NICOL1: variants seen among roughly 807,000 people sequenced by gnomAD.
NICOL1 encodes NELL2 interacting cell ontogeny regulator 1.
the NICOL1 span, chr4:2,042,204 G>T: frequency 4.2e-6 from 6 of 1,421,166 alleles, no homozygotes; most frequent in African/African-American, 9.2e-5. Context: ...GGCCCGGGGT[G>T]GGTGGGTCCA....
chr4:2,041,724 C>T, the NICOL1 span: 13 of 434,844 alleles, frequency 3.0e-5, no homozygotes, highest in Non-Finnish European at 5.3e-5. Flanking sequence ...ACCTGCTGAG[C>T]TCCAGCCACA....
At chr4:2,041,816 C>G in the NICOL1 span, 1 of 631,206 alleles carries the variant, frequency 1.6e-6, no homozygotes, top group Non-Finnish European at 2.5e-6. Flanking sequence ...CCAGGCAGTC[C>G]TCTAGACTGC....
At chr4:2,040,724 G>T in the NICOL1 span, among the ~76,000 whole-genome samples, 1 of 152,168 alleles carries the variant, frequency 6.6e-6, no homozygotes, top group African/African-American at 2.4e-5. Flanking sequence ...CTCGGGCCCC[G>T]CGTGCGTTTC....
At chr4:2,038,334 C>T in the NICOL1 span, among the ~76,000 whole-genome samples, 1 of 147,280 alleles carries the variant, frequency 6.8e-6, no homozygotes, top group African/African-American at 2.5e-5. Context: ...GTTGCCCAGG[C>T]TGGAGTGCAG....
the NICOL1 span, chr4:2,042,591 G>A: frequency 1.6e-5 from 8 of 504,152 alleles, no homozygotes; most frequent in East Asian, 2.8e-4. Flanking sequence ...GTTCCCGGGA[G>A]CGGGTCCTCC....
At chr4:2,040,878 C>T in the NICOL1 span, among the ~76,000 whole-genome samples, 1 of 150,818 alleles carries the variant, frequency 6.6e-6, no homozygotes, top group South Asian at 2.1e-4. Context: ...AGGACACCCG[C>T]GTCCGGCCGG....
chr4:2,041,327 GGCGCTCTTTAAGGC>G, the NICOL1 span, among the ~76,000 whole-genome samples: 5 of 152,304 alleles, frequency 3.3e-5, no homozygotes, highest in African/African-American at 1.2e-4. Context: ...CTGGCTGCAC[GGCGCTCTTTAAGGC>G]CAACAGCCCT....
At chr4:2,037,128 C>A in the NICOL1 span, among the ~76,000 whole-genome samples, 7 of 152,148 alleles carry the variant, frequency 4.6e-5, no homozygotes, top group African/African-American at 1.4e-4. Context: ...CTGTCTTCCT[C>A]CTGCTCTGCC....
At chr4:2,041,615 A>T in the NICOL1 span, 1 of 206,264 alleles carries the variant, frequency 4.8e-6, no homozygotes, top group Non-Finnish European at 9.7e-6. Context: ...GTGCGACCCC[A>T]CACTGGACCC....
the NICOL1 span, chr4:2,042,204 G>A: frequency 2.1e-6 from 3 of 1,421,272 alleles, no homozygotes; most frequent in South Asian, 2.9e-5. Flanking sequence ...GGCCCGGGGT[G>A]GGTGGGTCCA....
the NICOL1 span, among the ~76,000 whole-genome samples, chr4:2,036,895 T>C: frequency 6.6e-6 from 1 of 152,182 alleles, no homozygotes; most frequent in Non-Finnish European, 1.5e-5. Flanking sequence ...CATGCTCCGG[T>C]GTCCTCCACA....
At chr4:2,042,699 C>T in the NICOL1 span, 9 of 1,290,748 alleles carry the variant, frequency 7.0e-6, no homozygotes, top group South Asian at 2.8e-5. Flanking sequence ...GGTGACCCCC[C>T]CTGCGCCCCC....
the NICOL1 span, among the ~76,000 whole-genome samples, chr4:2,038,237 G>GTATATATATATATATA: frequency 2.2e-5 from 2 of 91,454 alleles, no homozygotes; most frequent in African/African-American, 3.6e-5. Context: ...TGATCAGTGT[G>GTATATATATATATATA]TATATATATA....
chr4:2,039,194 G>A, the NICOL1 span, among the ~76,000 whole-genome samples: 21 of 152,080 alleles, frequency 1.4e-4, no homozygotes, highest in South Asian at 1.9e-3. Context: ...CGGGTGGATC[G>A]CTTAAGGTCA....
At chr4:2,041,993 G>T in the NICOL1 span, 1 of 1,469,292 alleles carries the variant, frequency 6.8e-7, no homozygotes, top group Non-Finnish European at 8.9e-7. Flanking sequence ...GGGTCGGAGC[G>T]CATGCGCGTT....
At chr4:2,042,878 C>T in the NICOL1 span, 1 of 1,279,530 alleles carries the variant, frequency 7.8e-7, no homozygotes, top group Non-Finnish European at 1.0e-6. Flanking sequence ...GTGGGGAGGG[C>T]AGGGAGGATG....
chr4:2,041,589 C>T, the NICOL1 span: 370 of 180,304 alleles, frequency 2.1e-3, 5 homozygotes, highest in African/African-American at 8.3e-3. Flanking sequence ...TCCCCCAGAC[C>T]AGCTCTCTCC....
At chr4:2,037,112 C>T in the NICOL1 span, among the ~76,000 whole-genome samples, 1,119 of 152,254 alleles carry the variant, frequency 7.3e-3, 13 homozygotes, top group African/African-American at 0.025. Context: ...AGCACTTCCC[C>T]CTTTGCTGTC....
chr4:2,038,869 G>A, the NICOL1 span, among the ~76,000 whole-genome samples: 1 of 152,154 alleles, frequency 6.6e-6, no homozygotes, highest in Admixed American at 6.5e-5. Context: ...TCAGTACCTA[G>A]AACTGGGTTA....
Sources: gnomAD v4.1 joint callset for allele counts (sites outside exome capture counted in the v4.1 genomes callset) on GRCh38, gnomAD v4.1.1 for gene constraint, MANE v1.5 for transcripts, NCBI Gene and HGNC (gene_info 2026-07-23, HGNC 2026-07-21) for gene names.